Variants in FKBP1B observed in about 807,000 individuals in gnomAD.
FKBP1B encodes FKBP prolyl isomerase 1B.
In FKBP1B, 4 loss-of-function variants were observed where a neutral mutation model predicts 13.5. That is an observed-to-expected ratio of 0.30 (90% CI 0.15 to 0.68). The LOEUF (loss-of-function observed/expected upper bound fraction) is 0.68. FKBP1B is among the 30% of genes least tolerant of loss of function. FKBP1B has a pLI of 0.76. For synonymous variants in FKBP1B, 54 were observed against 53.6 expected, an observed-to-expected ratio of 1.01 and a Z score of -0.03; for missense variants, 93 against 136.2, an observed-to-expected ratio of 0.68 and a Z score of 1.58.
upstream of FKBP1B, among the ~76,000 whole-genome samples, chr2:24,046,458 G>A (rs1217910195): frequency 6.6e-6 from 1 of 152,162 alleles, no homozygotes; most frequent in East Asian, 1.9e-4. Flanking sequence ...TGTTTTAGGA[G>A]GGAAAAGACC....
chr2:24,043,727 CT>C, the FKBP1B span, among the ~76,000 whole-genome samples: 1 of 152,130 alleles, frequency 6.6e-6, no homozygotes, highest in East Asian at 1.9e-4. Context: ...ATTTTTCAGC[CT>C]TGTTTTACTG....
chr2:24,059,450 A>G (rs1353969259), intron 2 of FKBP1B, among the ~76,000 whole-genome samples: 1 of 151,856 alleles, frequency 6.6e-6, no homozygotes, highest in Non-Finnish European at 1.5e-5. Context: ...GTCACCTTAC[A>G]CTGTTCCCTA....
intron 2 of FKBP1B, among the ~76,000 whole-genome samples, chr2:24,059,894 CAAAAAAAAAAAAAAAA>C (rs10679224): frequency 2.0e-5 from 1 of 49,818 alleles, no homozygotes; most frequent in Non-Finnish European, 3.6e-5. Context: ...GACTCCGACT[CAAAAAAAAAAAAAAAA>C]AAAAAAAAGT....
At chr2:24,038,259 T>C in the FKBP1B span, 1 of 1,614,122 alleles carries the variant, frequency 6.2e-7, no homozygotes, top group Middle Eastern at 1.6e-4. Flanking sequence ...AAGGAAGAAA[T>C]GTTGTATCAG....
At chr2:24,060,197 A>C (rs909741411) in intron 2 of FKBP1B, among the ~76,000 whole-genome samples, 3 of 152,190 alleles carry the variant, frequency 2.0e-5, no homozygotes, top group African/African-American at 4.8e-5. Context: ...CAAAAAGACC[A>C]GTTAGGAGGT....
chr2:24,056,578 G>C (rs1456223191), intron 2 of FKBP1B, among the ~76,000 whole-genome samples: 1 of 151,786 alleles, frequency 6.6e-6, no homozygotes, highest in Non-Finnish European at 1.5e-5. Context: ...GTTTTGATTT[G>C]TGTTTCCCTG....
chr2:24,038,599 G>A, the FKBP1B span: 1 of 1,614,016 alleles, frequency 6.2e-7, no homozygotes, highest in Non-Finnish European at 8.5e-7. Context: ...ACAAATAAGA[G>A]AATTACCCTC....
chr2:24,037,885 A>G, the FKBP1B span: 6 of 1,614,168 alleles, frequency 3.7e-6, no homozygotes, highest in African/African-American at 1.3e-5. Flanking sequence ...AGGAGGCTCC[A>G]GTGTGCTGGT....
At chr2:24,055,960 C>T (rs376832434) in intron 2 of FKBP1B, among the ~76,000 whole-genome samples, 2 of 152,104 alleles carry the variant, frequency 1.3e-5, no homozygotes, top group Non-Finnish European at 1.5e-5. Context: ...CTGTGTCCTC[C>T]CCAACACTTG....
chr2:24,062,070 C>G (rs1030462331), intron 3 of FKBP1B, among the ~76,000 whole-genome samples: 3 of 152,114 alleles, frequency 2.0e-5, no homozygotes, highest in Non-Finnish European at 4.4e-5. Flanking sequence ...CGGGGTTTCA[C>G]CGTTGTTAGC....
At chr2:24,057,556 A>G (rs546259283) in intron 2 of FKBP1B, among the ~76,000 whole-genome samples, 2 of 152,226 alleles carry the variant, frequency 1.3e-5, no homozygotes, top group Admixed American at 1.3e-4. Flanking sequence ...TATTTTTAGT[A>G]GAGACTGGGT....
chr2:24,038,918 T>C, the FKBP1B span: 5 of 1,614,204 alleles, frequency 3.1e-6, no homozygotes, highest in East Asian at 1.1e-4. Context: ...GAGGAGCACC[T>C]GTGAAGAGTC....
chr2:24,053,864 T>C (rs764800887), intron 1 of FKBP1B, 38 bp from the exon 2 acceptor site: 25 of 1,605,528 alleles, frequency 1.6e-5, no homozygotes, highest in Middle Eastern at 1.7e-4. Context: ...GTTTTTCCAA[T>C]ATCCTACTCC....
chr2:24,040,188 T>G, the FKBP1B span, among the ~76,000 whole-genome samples: 1 of 152,174 alleles, frequency 6.6e-6, no homozygotes, highest in Admixed American at 6.6e-5. Context: ...GTTGAAGCAC[T>G]TGGGGTAAAA....
At chr2:24,061,535 G>A (rs1055856525) in intron 3 of FKBP1B, among the ~76,000 whole-genome samples, 7 of 152,252 alleles carry the variant, frequency 4.6e-5, no homozygotes, top group Admixed American at 4.6e-4. Context: ...GGTGGAGTAG[G>A]CCAAGAAAAT....
chr2:24,044,546 C>T, the FKBP1B span, among the ~76,000 whole-genome samples: 29 of 152,102 alleles, frequency 1.9e-4, no homozygotes, highest in African/African-American at 6.3e-4. Flanking sequence ...GGATTACAGG[C>T]GTGAGCCACT....
chr2:24,047,842 A>G (rs1254438660), upstream of FKBP1B, among the ~76,000 whole-genome samples: 1 of 151,982 alleles, frequency 6.6e-6, no homozygotes, highest in African/African-American at 2.4e-5. Context: ...TCCCTGTTCT[A>G]CCCCGACCCT....
At position 24,063,468 on chromosome 2, in the gene FKBP1B, A is replaced by T; in HGVS notation, c.*276A>T. 1 of 367,584 alleles carries T rather than the reference A, an allele frequency of 2.7e-6. No homozygotes were observed. The highest frequency in any genetic ancestry group is 4.9e-6 in the Non-Finnish European group (1 of 205,026). The allele number at this position is 367,584 out of a possible 1,614,324, so 22.8% of individuals were successfully genotyped here. A position where few individuals can be genotyped will look rare whatever the true frequency, so the allele number is the denominator to read the frequency against. ...GTAGCCTTTCCTGATGACAGAACAC[A>T]GATCTCTTGTTCGCACAATCTACAC... On this transcript the variant is annotated 3_prime_UTR_variant, in exon 4 of 4. Transcript: ENST00000380986.
At chr2:24,053,689 T>C (rs963227008) in intron 1 of FKBP1B, among the ~76,000 whole-genome samples, 1 of 151,698 alleles carries the variant, frequency 6.6e-6, no homozygotes, top group African/African-American at 2.4e-5. Context: ...GACAGCAGAA[T>C]TGAGAAAATT....
Sources: gnomAD v4.1 joint callset for allele counts (sites outside exome capture counted in the v4.1 genomes callset) on GRCh38, gnomAD v4.1.1 for gene constraint, MANE v1.5 for transcripts, NCBI Gene and HGNC (gene_info 2026-07-23, HGNC 2026-07-21) for gene names.